The following MOV10L1 variants were observed in gnomAD, a reference collection of about 807,000 sequenced individuals.
MOV10L1 encodes the protein RNA helicase Mov10l1.
MOV10L1 carries 110 observed loss-of-function variants against 143.8 expected under a neutral mutation model. The ratio of observed to expected loss-of-function variants is 0.76; its 90% CI spans 0.66 to 0.90. The LOEUF (loss-of-function observed/expected upper bound fraction) is 0.90. Among genes scored for constraint, MOV10L1 ranks in the 40% least tolerant of loss-of-function variants. The pLI, the probability that MOV10L1 is intolerant of heterozygous loss-of-function variation, is 0.00. For synonymous variants in MOV10L1, 593 were observed against 581.1 expected (o/e 1.02, Z -0.29); for missense variants, 1,406 against 1,526.8 (o/e 0.92, Z 1.32).
At chr22:50,128,834 C>T (rs920857948) in intron 13 of MOV10L1, among the ~76,000 whole-genome samples, 1 of 150,986 alleles carries the variant, frequency 6.6e-6, no homozygotes, top group Admixed American at 6.6e-5. Context: ...TGAGTCACCA[C>T]GCCCGGCCAT....
intron 2 of MOV10L1, among the ~76,000 whole-genome samples, chr22:50,097,969 G>T (rs543834380): frequency 1.3e-5 from 2 of 152,140 alleles, no homozygotes; most frequent in African/African-American, 4.8e-5. Flanking sequence ...AAGTAGCTGG[G>T]ACTGCAGGTG....
At chr22:50,113,928 T>A in intron 6 of MOV10L1, 140 bp downstream of exon 6, 1 of 1,001,102 alleles carries the variant, frequency 1.0e-6, no homozygotes, top group Non-Finnish European at 1.3e-6. Context: ...TTTTTTTTTT[T>A]TTTTTTTTGA....
intron 22 of MOV10L1, among the ~76,000 whole-genome samples, chr22:50,156,261 A>G (rs2063426044): frequency 6.6e-6 from 1 of 151,796 alleles, no homozygotes; most frequent in Non-Finnish European, 1.5e-5. Flanking sequence ...GACTACAGGC[A>G]TGCCCCACCA....
chr22:50,161,594 C>A lies in MOV10L1; in HGVS notation c.*145C>A. 2 of 763,756 alleles carry A rather than the reference C, an allele frequency of 2.6e-6. No homozygotes were observed. The highest frequency in any genetic ancestry group is 4.1e-6 in the Non-Finnish European group (2 of 486,520). 47.3% of individuals were successfully genotyped at this position (763,756 alleles called of 1,614,324 possible). The stretch of plus-strand genomic sequence containing the variant: ...TGTGGGGCTGCCAGGTTGGACGCAG[C>A]TGCTGCTGCCCTGACTTTGGCATAT... On this transcript the variant is annotated 3_prime_UTR_variant, in exon 27 of 27. Transcript: ENST00000262794.
intron 20 of MOV10L1, among the ~76,000 whole-genome samples, chr22:50,150,214 C>T (rs2063259549): frequency 6.6e-6 from 1 of 152,244 alleles, no homozygotes; most frequent in African/African-American, 2.4e-5. Context: ...GTGTCCAGCA[C>T]TGGACATTTC....
chr22:50,120,870 T>C (rs1343847091), intron 10 of MOV10L1, among the ~76,000 whole-genome samples: 1 of 152,240 alleles, frequency 6.6e-6, no homozygotes, highest in Non-Finnish European at 1.5e-5. Flanking sequence ...CTTTGGGGTC[T>C]GGAGCAGAAG....
At chr22:50,117,435 C>G in intron 9 of MOV10L1, 84 bp downstream of exon 9, 1 of 1,430,862 alleles carries the variant, frequency 7.0e-7, no homozygotes, top group Non-Finnish European at 9.5e-7. Context: ...CAAGCGGTGG[C>G]TACCACCTGG....
intron 5 of MOV10L1, among the ~76,000 whole-genome samples, chr22:50,110,021 C>T (rs1197649574): frequency 3.9e-5 from 6 of 152,038 alleles, no homozygotes; most frequent in African/African-American, 1.4e-4. Context: ...TGGTGGCAGG[C>T]ACCTGTAATC....
In MOV10L1 at chr22:50,117,210, T is replaced by C. The variant is rs550245459; in HGVS notation, c.1313T>C (p.Ile438Thr). 2 of 1,612,694 alleles carry C rather than the reference T, an allele frequency of 1.2e-6. No individual in the cohort carries two copies. Among genetic ancestry groups the C allele is most frequent in the Non-Finnish European group, 1.7e-6 (2 of 1,179,354 alleles). ...LLLLCFSDFLIGRYLEVNVIS... is the reference protein window; with the variant it reads ...LLLLCFSDFLTGRYLEVNVIS... ...TTGCTCTGTTTTTCCGATTTCCTAA[T>C]TGGGCGATACCTTGAAGTAAATGTT... Residue 438 changes from isoleucine (I) to threonine (T), a missense_variant, in exon 9 of 27, where the codon ATT (isoleucine) becomes ACT (threonine). This residue lies in a region of MOV10L1 where 1,233 missense variants were observed against 1,351.4 expected (regional missense o/e 0.91). Transcript: ENST00000262794.
chr22:50,135,222 C>G (rs1040894758), intron 15 of MOV10L1, among the ~76,000 whole-genome samples: 2 of 151,858 alleles, frequency 1.3e-5, no homozygotes, highest in Non-Finnish European at 2.9e-5. Flanking sequence ...CCATATTGGT[C>G]AGGCTGGTCT....
At chr22:50,094,250 A>G (rs2062529933) in intron 2 of MOV10L1, 1 of 151,940 alleles carries the variant, frequency 6.6e-6, no homozygotes, top group Non-Finnish European at 1.5e-5. Context: ...CTTCCTTTGT[A>G]TTCTTTTTAT....
intron 13 of MOV10L1, among the ~76,000 whole-genome samples, chr22:50,132,649 T>G (rs1353122416): frequency 6.6e-6 from 1 of 152,244 alleles, no homozygotes; most frequent in Admixed American, 6.5e-5. Flanking sequence ...TATGTTTACC[T>G]TGTATCCTGC....
intron 19 of MOV10L1, 132 bp from the exon 20 acceptor site, chr22:50,149,483 C>T (rs1228626768): frequency 7.8e-6 from 6 of 772,030 alleles, no homozygotes; most frequent in Non-Finnish European, 1.3e-5. Context: ...ACCCAGACCC[C>T]CAGCTCCTGC....
intron 2 of MOV10L1, among the ~76,000 whole-genome samples, chr22:50,098,993 G>A (rs543288204): frequency 1.3e-5 from 2 of 152,248 alleles, no homozygotes; most frequent in African/African-American, 4.8e-5. Context: ...AAACACTTTT[G>A]CATTCTGGGA....
At chr22:50,099,376 C>G (rs1327617133) in intron 2 of MOV10L1, 67 bp from the exon 3 acceptor site, 1 of 1,554,582 alleles carries the variant, frequency 6.4e-7, no homozygotes, top group Non-Finnish European at 8.8e-7. Flanking sequence ...GACAGGCATG[C>G]CAGCCTGTAG....
intron 8 of MOV10L1, among the ~76,000 whole-genome samples, chr22:50,115,788 G>A (rs1485147422): frequency 6.6e-6 from 1 of 152,186 alleles, no homozygotes; most frequent in Non-Finnish European, 1.5e-5. Flanking sequence ...CATCACGTTG[G>A]CTCCTCTTCA....
chr22:50,159,768 G>C lies in MOV10L1; in HGVS notation c.3307G>C (p.Val1103Leu), dbSNP rs2063508970. 6.2e-7 allele frequency: 1 copy of C among 1,611,110 alleles called. No individual in the cohort carries two copies. The highest frequency in any genetic ancestry group is 8.5e-7 in the Non-Finnish European group (1 of 1,177,672). ...GGAGTTTCAAGGACAAGAGTATCTG[G>C]TCATCATCATTTCGACCGTAGGTAT... The part of the protein sequence containing the change: ...VEEFQGQEYL[V>L]IIISTVRSNE... The change falls in exon 24 of 27, where the codon GTC becomes CTC. Residue 1103 changes from valine (V) to leucine (L), a missense_variant. Val to Leu is a conservative substitution (Grantham distance 32). Coordinates refer to ENST00000262794, the MANE Select transcript of MOV10L1 (RefSeq NM_018995.3). This position sits in a 1 kb window ranked among gnomAD's most constrained non-coding sequence, Gnocchi z 4.1.
At chr22:50,142,223 C>G in intron 16 of MOV10L1, 34 bp downstream of exon 16, 1 of 1,546,242 alleles carries the variant, frequency 6.5e-7, no homozygotes, top group Non-Finnish European at 8.8e-7. Flanking sequence ...AGAAGAGCAA[C>G]TCTGAGACTG....
chr22:50,159,925 G>A lies in MOV10L1; in HGVS notation c.3324+140G>A. The A allele has an allele frequency of 1.6e-6, 1 of 612,698 alleles. No individual in the cohort carries two copies. Among genetic ancestry groups the A allele is most frequent in the Non-Finnish European group, 2.9e-6 (1 of 346,450 alleles). The allele number at this position is 612,698 out of a possible 1,614,324, so 38.0% of individuals were successfully genotyped here. A position where few individuals can be genotyped will look rare whatever the true frequency, so the allele number is the denominator to read the frequency against. Reference sequence around the variant, plus strand: ...GCAGGCGGAGACTCCCTAGGTCCAGGAGCCATTGTAAGCAGTGGCTGTGGG... The same window carrying A: ...GCAGGCGGAGACTCCCTAGGTCCAGAAGCCATTGTAAGCAGTGGCTGTGGG... On this transcript the variant is annotated intron_variant, in intron 24 of 26. Transcript: ENST00000262794. This position sits in a 1 kb window ranked among gnomAD's most constrained non-coding sequence, Gnocchi z 4.1.
Sources: gnomAD v4.1 joint callset for allele counts (sites outside exome capture counted in the v4.1 genomes callset) on GRCh38, gnomAD v4.1.1 for gene constraint, gnomAD v4.1.1 regional missense constraint, Gnocchi (gnomAD v3.1) non-coding constraint, MANE v1.5 for transcripts, NCBI Gene and HGNC (gene_info 2026-07-23, HGNC 2026-07-21) for gene names.